Variants in MND1 observed in about 807,000 individuals in gnomAD.
The protein encoded by MND1 is meiotic nuclear divisions 1.
In MND1, 28 loss-of-function variants were observed where a neutral mutation model predicts 35.1. The ratio of observed to expected loss-of-function variants is 0.80; its 90% CI spans 0.59 to 1.09. The LOEUF (loss-of-function observed/expected upper bound fraction) is 1.09. MND1 is among the 50% of genes least tolerant of loss of function. MND1 has a pLI of 0.00. For missense variants in MND1, 213 were observed against 239.6 expected (o/e 0.89, Z 0.73); for synonymous variants, 69 against 70.5 (o/e 0.98, Z 0.11).
intron 6 of MND1, among the ~76,000 whole-genome samples, chr4:153,399,070 C>T (rs765049287): frequency 6.6e-6 from 1 of 152,216 alleles, no homozygotes; most frequent in African/African-American, 2.4e-5. Flanking sequence ...TGCCCTCTAG[C>T]AGTTCATCAT....
At position 153,352,063 on chromosome 4, in the gene MND1, A is replaced by G. The variant is rs548948226; in HGVS notation, c.69+1934A>G. 2.1e-3 allele frequency among the ~76,000 whole-genome samples: 327 copies of G among 152,328 alleles called. 3 individuals are homozygous for G. Among genetic ancestry groups the G allele is most frequent in the African/African-American group, 7.4e-3 (309 of 41,574 alleles). On this transcript the variant is annotated intron_variant, in intron 2 of 7. Transcript: ENST00000240488. Reference sequence around the variant, plus strand: ...TTTAAAAACACAGTCATTGGTAATAATGACAACTCATAGAGAGGGTAGGAA... The same window carrying G: ...TTTAAAAACACAGTCATTGGTAATAGTGACAACTCATAGAGAGGGTAGGAA...
intron 4 of MND1, among the ~76,000 whole-genome samples, chr4:153,389,298 T>C (rs1728956415): frequency 1.3e-5 from 2 of 152,240 alleles, no homozygotes; most frequent in Admixed American, 1.3e-4. Flanking sequence ...TCAATTGCAT[T>C]ATAGAATGTT....
chr4:153,349,560 A>G (rs949760129), intron 1 of MND1, among the ~76,000 whole-genome samples: 2 of 152,112 alleles, frequency 1.3e-5, no homozygotes, highest in East Asian at 1.9e-4. Context: ...GGGGAATTCC[A>G]TGTACTTCCA....
chr4:153,353,386 A>G (rs1280757088), intron 2 of MND1, among the ~76,000 whole-genome samples: 1 of 130,052 alleles, frequency 7.7e-6, no homozygotes, highest in Non-Finnish European at 1.6e-5. Flanking sequence ...TTCACATTTT[A>G]TTCTACTGAC....
At chr4:153,345,375 C>G in intron 1 of MND1, 1 of 985,552 alleles carries the variant, frequency 1.0e-6, no homozygotes, top group Non-Finnish European at 1.2e-6. Flanking sequence ...GAAAACGCCC[C>G]GGTTTCTGCC....
At chr4:153,386,859 A>G (rs1037409396) in intron 4 of MND1, among the ~76,000 whole-genome samples, 1 of 152,244 alleles carries the variant, frequency 6.6e-6, no homozygotes, top group African/African-American at 2.4e-5. Context: ...ATTGATCTAT[A>G]TCTAGATGTA....
At chr4:153,359,686 G>A (rs1037089254) in intron 4 of MND1, among the ~76,000 whole-genome samples, 6 of 151,278 alleles carry the variant, frequency 4.0e-5, no homozygotes, top group Non-Finnish European at 5.9e-5. Context: ...GGTGTTGTCA[G>A]TGTCTTGTAT....
intron 6 of MND1, among the ~76,000 whole-genome samples, chr4:153,401,103 TA>T (rs892395965): frequency 5.3e-4 from 80 of 152,104 alleles, no homozygotes; most frequent in African/African-American, 1.9e-3. Context: ...ATAAAGAATT[TA>T]AAAAATATGA....
At chr4:153,382,356 G>A (rs149945145) in intron 4 of MND1, among the ~76,000 whole-genome samples, 1 of 152,212 alleles carries the variant, frequency 6.6e-6, no homozygotes, top group East Asian at 1.9e-4. Flanking sequence ...TTGTTTGGTG[G>A]GTTGCTCACA....
chr4:153,390,715 G>A (rs1728996522), intron 4 of MND1, among the ~76,000 whole-genome samples: 2 of 152,050 alleles, frequency 1.3e-5, no homozygotes, highest in African/African-American at 4.8e-5. Context: ...GGGCGTGGTA[G>A]CATGTGTCTG....
Position 153,358,585 on chromosome 4 carries a change from A to G in MND1, c.239A>G (p.His80Arg). The change falls in exon 4 of 8, where the codon CAT becomes CGT. Residue 80 changes from histidine (H) to arginine (R), a missense_variant. Physicochemically the swap from His to Arg is conservative, Grantham distance 29. Coordinates refer to ENST00000240488, the MANE Select transcript of MND1 (RefSeq NM_032117.4). ...YYWAFPSKALHARKHKLEVLE... is the reference protein window; with the variant it reads ...YYWAFPSKALRARKHKLEVLE... The stretch of plus-strand genomic sequence containing the variant: ...TGGGCTTTTCCAAGTAAAGCTCTTC[A>G]TGCAAGGAAACATAAGTTGGAGGTT... The G allele has an allele frequency of 8.1e-6, 13 of 1,613,396 alleles. No homozygotes were observed. The South Asian group carries it at 1.3e-4, about 16-fold the overall frequency.
At chr4:153,369,730 A>G (rs1267728303) in intron 4 of MND1, among the ~76,000 whole-genome samples, 2 of 152,140 alleles carry the variant, frequency 1.3e-5, no homozygotes, top group Non-Finnish European at 2.9e-5. Flanking sequence ...TTTTTTAAAA[A>G]TAAGACAACC....
chr4:153,388,172 CTG>C (rs1301705934), intron 4 of MND1, among the ~76,000 whole-genome samples: 1 of 152,160 alleles, frequency 6.6e-6, no homozygotes, highest in African/African-American at 2.4e-5. Context: ...AAGAGAAGCA[CTG>C]TGTCAGTTCC....
intron 4 of MND1, among the ~76,000 whole-genome samples, chr4:153,388,782 G>A (rs1019014718): frequency 1.3e-5 from 2 of 152,186 alleles, no homozygotes; most frequent in African/African-American, 2.4e-5. Flanking sequence ...GTTACAGCTT[G>A]TACTGCCATT....
chr4:153,385,831 G>A (rs1728842297), intron 4 of MND1, among the ~76,000 whole-genome samples: 1 of 151,630 alleles, frequency 6.6e-6, no homozygotes, highest in Non-Finnish European at 1.5e-5. Flanking sequence ...TGATGCTCAT[G>A]TCCTCAGGTT....
At chr4:153,412,995 C>A (rs1729731163) in intron 7 of MND1, among the ~76,000 whole-genome samples, 1 of 152,008 alleles carries the variant, frequency 6.6e-6, no homozygotes, top group East Asian at 1.9e-4. Context: ...TTAGTAGAGA[C>A]AGGATTTTAC....
At chr4:153,357,479 C>A (rs2149632745) in intron 3 of MND1, among the ~76,000 whole-genome samples, 1 of 152,256 alleles carries the variant, frequency 6.6e-6, no homozygotes, top group African/African-American at 2.4e-5. Context: ...GAAGCCATAC[C>A]ATGTATTTAC....
In MND1 at chr4:153,344,717, G is replaced by T; in HGVS notation, c.-21G>T. On this transcript the variant is annotated 5_prime_UTR_variant, in exon 1 of 8. Transcript: ENST00000240488. ...CTCCCCAAGCGCGGGCCCGGCCAGC[G>T]GAAGCCCCTGCGCCCGCGCCATGGT... 6.3e-7 allele frequency: 1 copy of T among 1,588,566 alleles called. No individual in the cohort carries two copies. Among genetic ancestry groups the T allele is most frequent in the Non-Finnish European group, 8.6e-7 (1 of 1,168,906 alleles).
At position 153,345,621 on chromosome 4, in the gene MND1, A is replaced by C. The variant is rs948494197; in HGVS notation, c.3+881A>C. Reference sequence around the variant, plus strand: ...GTTGGCGAAGAATCAACATCTGGTTAAATGGATCTAAGATTTTAATATCTT... The same window carrying C: ...GTTGGCGAAGAATCAACATCTGGTTCAATGGATCTAAGATTTTAATATCTT... On this transcript the variant is annotated intron_variant, in intron 1 of 7. Coordinates refer to ENST00000240488, the MANE Select transcript of MND1 (RefSeq NM_032117.4). 4 of 803,262 alleles carry C rather than the reference A, an allele frequency of 5.0e-6. No individual in the cohort carries two copies. The African/African-American group carries it at 7.5e-5, about 15-fold the overall frequency. The allele number at this position is 803,262 out of a possible 1,614,324, so 49.8% of individuals were successfully genotyped here.
Sources: allele counts gnomAD v4.1 joint callset (sites outside exome capture counted in the v4.1 genomes callset), GRCh38; gene constraint gnomAD v4.1.1; transcripts MANE v1.5; gene names NCBI Gene and HGNC (gene_info 2026-07-23, HGNC 2026-07-21).